DMTF1: variants seen among roughly 807,000 people sequenced by gnomAD.
DMTF1 encodes the protein cyclin D binding myb like transcription factor 1, also known as cyclin-D-binding Myb-like transcription factor 1.
In DMTF1, 39 loss-of-function variants were observed where a neutral mutation model predicts 91.1. That is an observed-to-expected ratio of 0.43 (90% confidence interval 0.33 to 0.56). The LOEUF (loss-of-function observed/expected upper bound fraction) is 0.56. Ranked by LOEUF, DMTF1 falls within the 20% of genes least tolerant of loss-of-function variation. The pLI is 0.05. For synonymous variants in DMTF1, 338 were observed against 309.5 expected (o/e 1.09, Z -0.97); for missense variants, 750 against 914.5 (o/e 0.82, Z 2.32).
chr7:87,156,948 G>C (rs1295788375), intron 1 of DMTF1, among the ~76,000 whole-genome samples: 1 of 152,094 alleles, frequency 6.6e-6, no homozygotes, highest in Non-Finnish European at 1.5e-5. Context: ...CATTCAAAAT[G>C]TAAAGTAGTA....
chr7:87,193,906 C>G lies in DMTF1; in HGVS notation c.1832C>G (p.Thr611Ser), dbSNP rs1434566071. ...CCTCCAGACGCCCTAGAAGCAGACA[C>G]TTTCCCAGATGAAATTCATCACCCT... is the stretch of plus-strand genomic sequence containing the variant. Reference protein sequence around the residue: ...PEPPDALEADTFPDEIHHPKM... With the variant: ...PEPPDALEADSFPDEIHHPKM... The change falls in exon 16 of 18, where the codon ACT becomes AGT. Residue 611 changes from threonine (T) to serine (S), a missense_variant. Transcript: ENST00000331242. The G allele has an allele frequency of 5.0e-6, 8 of 1,613,362 alleles. No homozygotes were observed. The South Asian group carries it at 6.6e-5, about 13-fold the overall frequency.
intron 4 of DMTF1, 31 bp downstream of exon 4, chr7:87,166,636 T>C: frequency 7.5e-7 from 1 of 1,333,316 alleles, no homozygotes; most frequent in Non-Finnish European, 1.0e-6. Context: ...AGCCATAGAG[T>C]TCCCTTTTAA....
intron 2 of DMTF1, chr7:87,164,402 CA>C (rs1480341637): frequency 1.3e-5 from 2 of 152,194 alleles, no homozygotes; most frequent in Non-Finnish European, 2.9e-5. Flanking sequence ...TTTAAAATTA[CA>C]ATTTGGTCAG....
intron 9 of DMTF1, 39 bp from the exon 10 acceptor site, chr7:87,182,189 C>A (rs753363443): frequency 6.2e-7 from 1 of 1,613,646 alleles, no homozygotes; most frequent in Non-Finnish European, 8.5e-7. Flanking sequence ...AGGGAGAAAA[C>A]AATTGAACCA....
At position 87,195,377 on chromosome 7, in the gene DMTF1, CCT is replaced by C. The variant is rs1278610610; in HGVS notation, c.*238_*239del. The C allele has an allele frequency of 2.7e-6, 1 of 374,156 alleles. No homozygotes were observed. The highest frequency in any genetic ancestry group is 4.8e-6 in the Non-Finnish European group (1 of 206,468). 23.2% of individuals were successfully genotyped at this position (374,156 alleles called of 1,614,324 possible). The stretch of plus-strand genomic sequence containing the variant: ...AGGCTGGGAGTTTTAAGCATAAATC[CCT>C]GTTTAGTGTTACATGGGAATAAGGA... On this transcript the variant is annotated 3_prime_UTR_variant, in exon 18 of 18. Transcript: ENST00000331242.
intron 4 of DMTF1, among the ~76,000 whole-genome samples, 162 bp from the exon 5 acceptor site, chr7:87,170,833 A>C (rs567697196): frequency 1.4e-4 from 22 of 152,256 alleles, no homozygotes; most frequent in Non-Finnish European, 2.8e-4. Context: ...AATTAGGTGC[A>C]CATTAAGTAT....
At chr7:87,155,132 G>A (rs1790338586) in intron 1 of DMTF1, among the ~76,000 whole-genome samples, 1 of 152,180 alleles carries the variant, frequency 6.6e-6, no homozygotes, top group Non-Finnish European at 1.5e-5. Context: ...TTTACTGCCT[G>A]GCACATAGAT....
chr7:87,167,585 A>G lies in DMTF1; in HGVS notation c.232+980A>G, dbSNP rs1036302325. Among the ~76,000 whole-genome samples the G allele has an allele frequency of 3.5e-5, 5 of 141,330 alleles. 1 individual carries two copies. Among genetic ancestry groups the G allele is most frequent in the Admixed American group, 2.7e-4 (4 of 14,652 alleles). 92.7% of individuals were successfully genotyped at this position (141,330 alleles called of 152,430 possible). On this transcript the variant is annotated intron_variant, in intron 4 of 17. Transcript: ENST00000331242. ...GTTTTCAGCATGGAAAATCATATCT[A>G]TCATATCTTAACAAGTAGATATGTA...
chr7:87,194,325 T>G, intron 16 of DMTF1: 2 of 512,386 alleles, frequency 3.9e-6, no homozygotes, highest in Non-Finnish European at 3.4e-6. Context: ...CACTAAAACT[T>G]TTTCCTCTTT....
At chr7:87,163,953 G>T (rs1224029977) in intron 2 of DMTF1, among the ~76,000 whole-genome samples, 1 of 149,334 alleles carries the variant, frequency 6.7e-6, no homozygotes, top group Non-Finnish European at 1.5e-5. Context: ...TAAGACAGGA[G>T]TATCACTTGA....
intron 11 of DMTF1, 24 bp downstream of exon 11, chr7:87,184,649 G>T: frequency 6.3e-7 from 1 of 1,598,368 alleles, no homozygotes; most frequent in South Asian, 1.1e-5. Context: ...ATCTTGTAAT[G>T]ACAAAAGCAA....
rs754637753 is a variant in DMTF1 at position 87,179,711 on chromosome 7, A to T, written c.677+9A>T. On this transcript the variant is annotated intron_variant, in intron 8 of 17. Transcript: ENST00000331242. ...AGAAACCATGTGGGAAAGTATGAGA[A>T]CTTGTAATGCTGCATGTTTTCATGT... is the stretch of plus-strand genomic sequence containing the variant. 1 of 1,563,806 alleles carries T rather than the reference A, an allele frequency of 6.4e-7. No individual in the cohort carries two copies. Among genetic ancestry groups the T allele is most frequent in the Non-Finnish European group, 8.6e-7 (1 of 1,163,636 alleles).
At position 87,193,793 on chromosome 7, in the gene DMTF1, G is replaced by T. The variant is rs751352388; in HGVS notation, c.1719G>T (p.Gln573His). The T allele has an allele frequency of 6.2e-7, 1 of 1,613,126 alleles. No individual in the cohort carries two copies. The highest frequency in any genetic ancestry group is 8.5e-7 in the Non-Finnish European group (1 of 1,179,472). ...GTCACACACCAAGAGTCATCATTCA[G>T]ACTGTTGCCACAGAGGACATCACTT... ...VQCHTPRVII[Q>H]TVATEDITSS... is the part of the protein sequence containing the mutation. Residue 573 changes from glutamine to histidine, a missense_variant, in exon 16 of 18, where the codon CAG (glutamine) becomes CAT (histidine). Around this residue, in one of 3 missense-constraint regions of DMTF1, gnomAD observed 410 missense variants for 420.2 expected, o/e 0.98. Transcript: ENST00000331242.
chr7:87,192,847 CTT>C (rs796549774), intron 14 of DMTF1: 6 of 185,132 alleles, frequency 3.2e-5, no homozygotes, highest in Non-Finnish European at 6.7e-5. Flanking sequence ...GCTGTTGTGC[CTT>C]TTTTTTTTAA....
At position 87,189,072 on chromosome 7, in the gene DMTF1, T is replaced by A. The variant is rs577755490; in HGVS notation, c.1411+771T>A. ...ATTATTGGCATTTTGAGCGACAGGT[T>A]TTTGCAGACTGTCCTTTACATTGCA... On this transcript the variant is annotated intron_variant, in intron 13 of 17. Coordinates refer to ENST00000331242, the MANE Select transcript of DMTF1 (RefSeq NM_001142327.2). Among the ~76,000 whole-genome samples, 133 of 152,302 alleles carry A rather than the reference T, an allele frequency of 8.7e-4. 2 individuals carry two copies. Among genetic ancestry groups the A allele is most frequent in the Middle Eastern group, 3.4e-3 (1 of 294 alleles).
Position 87,185,988 on chromosome 7 carries a change from A to AC in DMTF1, c.1201+8_1201+9insC, listed in dbSNP as rs745924986. The AC allele has an allele frequency of 7.6e-5, 123 of 1,613,516 alleles. No homozygotes were observed. In the East Asian group the frequency reaches 2.4e-3, roughly 31 times the overall value. ...AGGATGTTTCGTTCCCTGGTAATGT[A>AC]TTACTTACTTTTTAAGCTCCTCCCC... On this transcript the variant is annotated intron_variant, in intron 12 of 17. Transcript: ENST00000331242.
At chr7:87,163,912 G>T (rs950323016) in intron 2 of DMTF1, among the ~76,000 whole-genome samples, 1 of 151,968 alleles carries the variant, frequency 6.6e-6, no homozygotes, top group African/African-American at 2.4e-5. Context: ...AGGCGTGTTG[G>T]CACGTGCCTG....
Position 87,195,334 on chromosome 7 carries a change from C to A in DMTF1, c.*194C>A. The A allele has an allele frequency of 2.0e-6, 1 of 500,632 alleles. No homozygotes were observed. The highest frequency in any genetic ancestry group is 3.6e-6 in the Non-Finnish European group (1 of 280,542). 31.0% of individuals were successfully genotyped at this position (500,632 alleles called of 1,614,324 possible). A position where few individuals can be genotyped will look rare whatever the true frequency, so the allele number is the denominator to read the frequency against. ...CATCATCTGAGGTTGAGTTTTATGA[C>A]AGTATGTAGTTGAGTGGAGGCTGGG... On this transcript the variant is annotated 3_prime_UTR_variant, in exon 18 of 18. Transcript: ENST00000331242.
chr7:87,188,977 A>G (rs1799118192), intron 13 of DMTF1, among the ~76,000 whole-genome samples: 1 of 152,204 alleles, frequency 6.6e-6, no homozygotes, highest in Non-Finnish European at 1.5e-5. Context: ...TTTTTGGTCT[A>G]CATATGCTAC....
Sources: allele counts gnomAD v4.1 joint callset (sites outside exome capture counted in the v4.1 genomes callset), GRCh38; gene constraint gnomAD v4.1.1; regional missense constraint gnomAD v4.1.1; transcripts MANE v1.5; gene names NCBI Gene and HGNC (gene_info 2026-07-23, HGNC 2026-07-21).